NKAIN2: variants seen among roughly 807,000 people sequenced by gnomAD.
NKAIN2 encodes the protein sodium/potassium-transporting ATPase subunit beta-1-interacting protein 2.
NKAIN2 carries 14 observed loss-of-function variants against 32.6 expected under a neutral mutation model. That is an observed-to-expected ratio of 0.43 (90% CI 0.28 to 0.67). The LOEUF (loss-of-function observed/expected upper bound fraction) is 0.67. NKAIN2 is among the 30% of genes least tolerant of loss of function. The pLI is 0.17. For missense variants in NKAIN2, 198 were observed against 258.3 expected, an observed-to-expected ratio of 0.77 and a Z score of 1.60; for synonymous variants, 80 against 87.2, an observed-to-expected ratio of 0.92 and a Z score of 0.46.
intron 4 of NKAIN2, among the ~76,000 whole-genome samples, chr6:124,695,501 G>C (rs1774456950): frequency 6.6e-6 from 1 of 152,148 alleles, no homozygotes; most frequent in Non-Finnish European, 1.5e-5. Flanking sequence ...GCTTTATGAA[G>C]GTTAAATATT....
In NKAIN2 at chr6:124,302,177, T is replaced by A. The variant is rs140698293; in HGVS notation, c.192+19035T>A. Among the ~76,000 whole-genome samples the A allele has an allele frequency of 9.6e-3, 1,464 of 152,358 alleles. 20 individuals carry two copies. The highest frequency in any genetic ancestry group is 0.034 in the African/African-American group (1,394 of 41,582). On this transcript the variant is annotated intron_variant, in intron 2 of 6. Coordinates refer to ENST00000368417, the MANE Select transcript of NKAIN2 (RefSeq NM_001040214.3). ...CCCCTGCACAAGCTCTCTTGCCTGC[T>A]GTCATGTAAGAGGTGACTTTGCTCC...
Position 124,064,629 on chromosome 6 carries a change from C to T in NKAIN2, c.55-218376C>T, listed in dbSNP as rs550930355. ...TAGACTTTAAGAAATCCACTCTTTT[C>T]TCAAGGTATCTGTATGTGGTAACAT... On this transcript the variant is annotated intron_variant, in intron 1 of 6. Transcript: ENST00000368417. Among the ~76,000 whole-genome samples, 17 of 152,194 alleles carry T rather than the reference C, an allele frequency of 1.1e-4. 1 individual carries two copies. In the South Asian group the frequency reaches 3.1e-3, roughly 28 times the overall value.
intron 1 of NKAIN2, among the ~76,000 whole-genome samples, chr6:124,232,453 A>G (rs1792510255): frequency 6.6e-6 from 1 of 152,174 alleles, no homozygotes; most frequent in African/African-American, 2.4e-5. Flanking sequence ...AAAAATGATA[A>G]ATAGCAGAAT....
At chr6:123,955,196 C>CAAAAAAAAAAAAAAAAAAAAAAAAAAA (rs5879708) in intron 1 of NKAIN2, among the ~76,000 whole-genome samples, 1 of 105,022 alleles carries the variant, frequency 9.5e-6, no homozygotes, top group Non-Finnish European at 2.1e-5. Flanking sequence ...ACAGAAAAAC[C>CAAAAAAAAAAAAAAAAAAAAAAAAAAA]AAAAAAAAAA....
chr6:124,636,563 A>G (rs1402914980), intron 3 of NKAIN2, among the ~76,000 whole-genome samples: 1 of 152,010 alleles, frequency 6.6e-6, no homozygotes, highest in East Asian at 1.9e-4. Flanking sequence ...TAAAATTAGA[A>G]ATGAAAAAGA....
In NKAIN2 at chr6:124,409,819, G is replaced by A. The variant is rs188727127; in HGVS notation, c.273+54472G>A. 4.6e-5 allele frequency among the ~76,000 whole-genome samples: 7 copies of A among 152,222 alleles called. No individual in the cohort carries two copies. The South Asian group carries it at 6.2e-4, about 14-fold the overall frequency. The stretch of plus-strand genomic sequence containing the variant: ...TAGAATTCGGCTGTGAATCCATCTG[G>A]TCCTGGACTTTTTTTGGTTGGTAAT... On this transcript the variant is annotated intron_variant, in intron 3 of 6. Transcript: ENST00000368417.
At chr6:123,904,410 A>G (rs1488333410) in intron 1 of NKAIN2, among the ~76,000 whole-genome samples, 1 of 152,168 alleles carries the variant, frequency 6.6e-6, no homozygotes, top group Admixed American at 6.5e-5. Context: ...CTTCAAACAG[A>G]TCAGATGTCT....
chr6:124,273,891 T>A (rs1247691752), intron 1 of NKAIN2, among the ~76,000 whole-genome samples: 1 of 152,188 alleles, frequency 6.6e-6, no homozygotes. Flanking sequence ...GTACTTTGAG[T>A]GAATCATGAA....
At chr6:124,042,828 G>C (rs1444699716) in intron 1 of NKAIN2, among the ~76,000 whole-genome samples, 1 of 152,050 alleles carries the variant, frequency 6.6e-6, no homozygotes, top group Non-Finnish European at 1.5e-5. Flanking sequence ...GTGAAAGCTA[G>C]AAAATGATTT....
At chr6:123,895,675 C>T (rs373667347) in intron 1 of NKAIN2, among the ~76,000 whole-genome samples, 100 of 152,142 alleles carry the variant, frequency 6.6e-4, no homozygotes, top group East Asian at 1.4e-3. Flanking sequence ...CTAATGCAAA[C>T]GTAAGTTTAA....
chr6:124,794,917 ATATTACAAAAAATT>A, intron 5 of NKAIN2: 1 of 778,496 alleles, frequency 1.3e-6, no homozygotes, highest in Non-Finnish European at 1.6e-6. Flanking sequence ...TTTGGTAATT[ATATTACAAAAAATT>A]ATCCTGATCC....
intron 1 of NKAIN2, among the ~76,000 whole-genome samples, chr6:124,119,566 A>G (rs951433028): frequency 6.6e-5 from 10 of 152,244 alleles, no homozygotes; most frequent in African/African-American, 2.2e-4. Flanking sequence ...ACTCTTGCAT[A>G]TGGGACTGTA....
intron 4 of NKAIN2, among the ~76,000 whole-genome samples, chr6:124,663,804 G>A (rs1345906392): frequency 6.6e-6 from 1 of 152,144 alleles, no homozygotes; most frequent in African/African-American, 2.4e-5. Flanking sequence ...TAGACTATCT[G>A]AAATAAATTT....
At chr6:124,675,135 C>T (rs1773292676) in intron 4 of NKAIN2, among the ~76,000 whole-genome samples, 2 of 151,854 alleles carry the variant, frequency 1.3e-5, no homozygotes, top group Admixed American at 6.6e-5. Context: ...TTTTTAAATT[C>T]CTTCATTCTG....
At chr6:124,162,508 A>G (rs1035872435) in intron 1 of NKAIN2, among the ~76,000 whole-genome samples, 2 of 152,172 alleles carry the variant, frequency 1.3e-5, no homozygotes, top group Non-Finnish European at 2.9e-5. Flanking sequence ...ATAGCAGAGA[A>G]TGGATCAGAA....
At chr6:124,344,038 C>G (rs1226059155) in intron 2 of NKAIN2, among the ~76,000 whole-genome samples, 1 of 152,114 alleles carries the variant, frequency 6.6e-6, no homozygotes, top group African/African-American at 2.4e-5. Flanking sequence ...CCAGTTTCAG[C>G]TTTCTCCATA....
intron 3 of NKAIN2, among the ~76,000 whole-genome samples, chr6:124,456,189 T>C (rs142739548): frequency 1.3e-5 from 2 of 152,112 alleles, no homozygotes; most frequent in Non-Finnish European, 2.9e-5. Flanking sequence ...TGGACAGTTC[T>C]AATGTCAATA....
intron 3 of NKAIN2, among the ~76,000 whole-genome samples, chr6:124,637,841 G>A (rs911970893): frequency 6.6e-6 from 1 of 152,056 alleles, no homozygotes; most frequent in African/African-American, 2.4e-5. Flanking sequence ...CATATCCAAA[G>A]CAATCTATAA....
At chr6:124,668,152 G>A (rs1160791023) in intron 4 of NKAIN2, among the ~76,000 whole-genome samples, 4 of 152,076 alleles carry the variant, frequency 2.6e-5, no homozygotes, top group Non-Finnish European at 5.9e-5. Flanking sequence ...ATATACATAT[G>A]TTTACTACGT....
Sources: gnomAD v4.1 joint callset for allele counts (sites outside exome capture counted in the v4.1 genomes callset) on GRCh38, gnomAD v4.1.1 for gene constraint, MANE v1.5 for transcripts, NCBI Gene and HGNC (gene_info 2026-07-23, HGNC 2026-07-21) for gene names.